The following ZNF532 variants were observed in gnomAD, a reference collection of about 807,000 sequenced individuals.
ZNF532 encodes the protein zinc finger protein 532.
Under a neutral mutation model 89.3 loss-of-function variants are expected in ZNF532, and 22 were observed. The ratio of observed to expected loss-of-function variants is 0.25; its 90% CI spans 0.18 to 0.35. ZNF532 has a LOEUF of 0.35. Among genes scored for constraint, ZNF532 ranks in the 10% least tolerant of loss-of-function variants. The pLI is 1.00. For synonymous variants in ZNF532, 606 were observed against 649.6 expected (o/e 0.93, Z 1.02); for missense variants, 1,132 against 1,643.4 (o/e 0.69, Z 5.38).
At chr18:58,880,270 A>G (rs1022620202) in intron 2 of ZNF532, among the ~76,000 whole-genome samples, 3 of 152,210 alleles carry the variant, frequency 2.0e-5, no homozygotes, top group Non-Finnish European at 4.4e-5. Context: ...CCTTGGTAGA[A>G]TGCAGCTAGG....
intron 7 of ZNF532, chr18:58,954,107 A>G: frequency 9.5e-7 from 1 of 1,056,100 alleles, no homozygotes; most frequent in Non-Finnish European, 1.2e-6. Flanking sequence ...CCAAGGTTAA[A>G]GACATTTGAA....
chr18:58,867,024 C>T lies in ZNF532; in HGVS notation c.-18+1445C>T, dbSNP rs543616972. On this transcript the variant is annotated intron_variant, in intron 2 of 9. Coordinates refer to ENST00000591808, the MANE Select transcript of ZNF532 (RefSeq NM_001375912.1). ...CAGGAATATGCTTGCAAAGCAGATC[C>T]GAATCCACGCTGCGCGTGGTGTGCT... Among the ~76,000 whole-genome samples the T allele has an allele frequency of 1.4e-4, 21 of 152,370 alleles. 1 individual carries two copies. Among genetic ancestry groups the T allele is most frequent in the Middle Eastern group, 3.4e-3 (1 of 294 alleles).
chr18:58,941,468 C>CTTTTTTTTTTT (rs71302776), intron 5 of ZNF532, among the ~76,000 whole-genome samples: 6 of 114,908 alleles, frequency 5.2e-5, no homozygotes, highest in African/African-American at 1.3e-4. Context: ...CTCTCTCTCT[C>CTTTTTTTTTTT]TTTTTTTTTT....
At chr18:58,983,444 T>G (rs1015628003) in intron 9 of ZNF532, among the ~76,000 whole-genome samples, 2 of 152,178 alleles carry the variant, frequency 1.3e-5, no homozygotes, top group Non-Finnish European at 2.9e-5. Context: ...CCTCTTCTGT[T>G]GCCCACTCAC....
intron 2 of ZNF532, among the ~76,000 whole-genome samples, chr18:58,883,582 G>GATTA (rs1381915981): frequency 6.6e-6 from 1 of 152,174 alleles, no homozygotes; most frequent in Non-Finnish European, 1.5e-5. Context: ...ATTCCAGTAG[G>GATTA]ATTAAGTATT....
chr18:58,939,173 G>C (rs1039202002), intron 4 of ZNF532, among the ~76,000 whole-genome samples: 1 of 147,910 alleles, frequency 6.8e-6, no homozygotes, highest in African/African-American at 2.5e-5. Flanking sequence ...CTTGAACCTG[G>C]GAGGTGGAGG....
intron 3 of ZNF532, chr18:58,934,160 A>G (rs2062177562): frequency 9.0e-6 from 3 of 331,894 alleles, no homozygotes; most frequent in Non-Finnish European, 1.7e-5. Flanking sequence ...GCAAAATGCA[A>G]AAGTAATGGA....
At chr18:58,943,412 G>A (rs368419769) in intron 5 of ZNF532, among the ~76,000 whole-genome samples, 1 of 149,518 alleles carries the variant, frequency 6.7e-6, no homozygotes, top group Non-Finnish European at 1.5e-5. Context: ...CACCCACCTC[G>A]GCTTCCCAAA....
chr18:58,923,599 GT>G (rs897358835), intron 3 of ZNF532, among the ~76,000 whole-genome samples: 1 of 152,066 alleles, frequency 6.6e-6, no homozygotes, highest in African/African-American at 2.4e-5. Context: ...GGAGTGGGAG[GT>G]GGGGGCTGCA....
At position 58,948,799 on chromosome 18, in the gene ZNF532, C is replaced by G. The variant is rs62095512; in HGVS notation, c.2868+570C>G. On this transcript the variant is annotated intron_variant, in intron 6 of 9. Coordinates refer to ENST00000591808, the MANE Select transcript of ZNF532 (RefSeq NM_001375912.1). ...CTTGAACTCCTGACCTCAGGTGATCCGCCTGCCTTGTCCTCCCAAAGTGCT... is the reference window on the plus strand; with the variant it reads ...CTTGAACTCCTGACCTCAGGTGATCGGCCTGCCTTGTCCTCCCAAAGTGCT... Among the ~76,000 whole-genome samples, 585 of 152,164 alleles carry G rather than the reference C, an allele frequency of 3.8e-3. 3 individuals carry two copies. Among genetic ancestry groups the G allele is most frequent in the African/African-American group, 0.013 (552 of 41,546 alleles).
In ZNF532 at chr18:58,895,221, G is replaced by A. The variant is rs529611386; in HGVS notation, c.-17-23050G>A. 6.6e-5 allele frequency among the ~76,000 whole-genome samples: 10 copies of A among 152,302 alleles called. No homozygotes were observed. The South Asian group carries it at 1.0e-3, about 16-fold the overall frequency. On this transcript the variant is annotated intron_variant, in intron 2 of 9. Coordinates refer to ENST00000591808, the MANE Select transcript of ZNF532 (RefSeq NM_001375912.1). ...CCCTCCACTGAGCAGTAGCTGCGTC[G>A]TCTTCTAGATGCTTGCAGCCTCTGT...
At chr18:58,978,637 A>G (rs1055165537) in intron 7 of ZNF532, among the ~76,000 whole-genome samples, 5 of 152,130 alleles carry the variant, frequency 3.3e-5, no homozygotes, top group Admixed American at 2.0e-4. Context: ...ATTTTTAAAA[A>G]GTTTTTTGGT....
intron 7 of ZNF532, among the ~76,000 whole-genome samples, chr18:58,976,449 C>T (rs1250755076): frequency 6.6e-6 from 1 of 152,118 alleles, no homozygotes; most frequent in Non-Finnish European, 1.5e-5. Flanking sequence ...TCTGTGGGGT[C>T]TCTTGTCCTA....
intron 7 of ZNF532, among the ~76,000 whole-genome samples, chr18:58,954,946 C>T (rs2064615700): frequency 6.6e-6 from 1 of 152,116 alleles, no homozygotes; most frequent in African/African-American, 2.4e-5. Flanking sequence ...AACTCCTGGC[C>T]TCAGGCAGTC....
intron 9 of ZNF532, among the ~76,000 whole-genome samples, chr18:58,983,414 C>T (rs567175080): frequency 3.9e-5 from 6 of 152,308 alleles, no homozygotes; most frequent in African/African-American, 1.4e-4. Context: ...CCTGAGCACT[C>T]CTTCCTACTG....
intron 2 of ZNF532, among the ~76,000 whole-genome samples, chr18:58,866,820 G>A (rs1244621675): frequency 6.6e-6 from 1 of 152,252 alleles, no homozygotes; most frequent in African/African-American, 2.4e-5. Context: ...GGAAACAAGA[G>A]TGCATGGTTA....
intron 9 of ZNF532, 143 bp downstream of exon 9, chr18:58,981,760 T>C (rs1245910737): frequency 2.8e-6 from 3 of 1,065,164 alleles, no homozygotes; most frequent in Non-Finnish European, 4.1e-6. Context: ...TGCCCACCAC[T>C]TTGGGAGGCC....
At chr18:58,888,867 T>C (rs58746171) in intron 2 of ZNF532, among the ~76,000 whole-genome samples, 2 of 45,232 alleles carry the variant, frequency 4.4e-5, no homozygotes, top group Non-Finnish European at 7.4e-5. Context: ...TATATATATA[T>C]AATATATATT....
intron 2 of ZNF532, among the ~76,000 whole-genome samples, chr18:58,896,949 G>A (rs555027314): frequency 1.3e-5 from 2 of 152,352 alleles, no homozygotes; most frequent in South Asian, 4.1e-4. Flanking sequence ...AGCCCAGCGA[G>A]GTAGAGGCAT....
Sources: gnomAD v4.1 joint callset for allele counts (sites outside exome capture counted in the v4.1 genomes callset) on GRCh38, gnomAD v4.1.1 for gene constraint, MANE v1.5 for transcripts, NCBI Gene and HGNC (gene_info 2026-07-23, HGNC 2026-07-21) for gene names.